Variants in PRMT9 observed in about 807,000 individuals in gnomAD.
The protein encoded by PRMT9 is protein arginine methyltransferase 9.
A neutral mutation model predicts 83.2 loss-of-function variants in PRMT9; 59 were observed. The ratio of observed to expected loss-of-function variants is 0.71; its 90% confidence interval spans 0.57 to 0.88. PRMT9 has a LOEUF of 0.88. PRMT9 is among the 40% of genes least tolerant of loss of function. The probability of loss-of-function intolerance (pLI) is 0.00; values close to 1 mark genes in which losing one functional copy is unlikely to be tolerated. For missense variants in PRMT9, 947 were observed against 1,021.9 expected, an observed-to-expected ratio of 0.93 and a Z score of 1.00; for synonymous variants, 333 against 353.2, an observed-to-expected ratio of 0.94 and a Z score of 0.64.
chr4:147,664,980 A>G (rs774787635), intron 6 of PRMT9, among the ~76,000 whole-genome samples: 4 of 151,732 alleles, frequency 2.6e-5, no homozygotes, highest in Non-Finnish European at 5.9e-5. Context: ...TCAGCCGGGC[A>G]TGGTGGCAGG....
At chr4:147,645,860 G>A (rs1185302538) in intron 9 of PRMT9, among the ~76,000 whole-genome samples, 2 of 152,178 alleles carry the variant, frequency 1.3e-5, no homozygotes, top group South Asian at 2.1e-4. Context: ...GATAAGTCAT[G>A]TTCCTGAACC....
At chr4:147,639,349 C>CA (rs1733228227) in intron 10 of PRMT9, 2 of 382,712 alleles carry the variant, frequency 5.2e-6, no homozygotes, top group Admixed American at 8.2e-5. Context: ...TTTCCATTAC[C>CA]TGTAGATCTT....
chr4:147,672,988 G>A lies in PRMT9; in HGVS notation c.714C>T (p.Asp238=). Reference sequence around the variant, plus strand: ...CGGGAATATGTTTTGGAATCTCTATGTCAAGTGACTTCGTATGTAAGAGTT... The same window carrying A: ...CGGGAATATGTTTTGGAATCTCTATATCAAGTGACTTCGTATGTAAGAGTT... ...GIKLLHTKSL[D]IEIPKHIPER... is the part of the protein sequence containing the mutation. The change falls in exon 4 of 12, where the codon GAC becomes GAT. Residue 238 remains aspartate, a synonymous_variant. Transcript: ENST00000322396. 6.2e-7 allele frequency: 1 copy of A among 1,613,840 alleles called. No homozygotes were observed. The highest frequency in any genetic ancestry group is 1.1e-5 in the South Asian group (1 of 91,068).
intron 6 of PRMT9, among the ~76,000 whole-genome samples, chr4:147,663,396 G>T (rs984529830): frequency 1.4e-5 from 2 of 146,616 alleles, no homozygotes; most frequent in Non-Finnish European, 3.0e-5. Flanking sequence ...AAGGTCTCAT[G>T]CTGTCGCCCA....
At chr4:147,659,135 C>T (rs1167401754) in intron 7 of PRMT9, among the ~76,000 whole-genome samples, 1 of 150,956 alleles carries the variant, frequency 6.6e-6, no homozygotes, top group Non-Finnish European at 1.5e-5. Context: ...GCCGAGATCA[C>T]GCCACTGCAC....
chr4:147,640,563 C>G (rs924370611), intron 10 of PRMT9, among the ~76,000 whole-genome samples: 3 of 152,110 alleles, frequency 2.0e-5, no homozygotes. Context: ...CCAGAGCTTT[C>G]TCTGAATTCT....
intron 1 of PRMT9, among the ~76,000 whole-genome samples, chr4:147,681,431 T>C (rs1185995079): frequency 6.6e-6 from 1 of 152,228 alleles, no homozygotes; most frequent in East Asian, 1.9e-4. Flanking sequence ...ACATATTTTA[T>C]ACAAAAGCGT....
intron 2 of PRMT9, among the ~76,000 whole-genome samples, chr4:147,679,375 G>A (rs1736305902): frequency 6.6e-6 from 1 of 152,000 alleles, no homozygotes; most frequent in Non-Finnish European, 1.5e-5. Flanking sequence ...GAGCCTGGGA[G>A]GTCAAGGTTG....
intron 10 of PRMT9, among the ~76,000 whole-genome samples, chr4:147,640,061 CTTTTTTTTTTTTTTT>C (rs1185905675): frequency 2.9e-5 from 1 of 35,086 alleles, no homozygotes; most frequent in African/African-American, 9.2e-5. Flanking sequence ...CCACTCCTGT[CTTTTTTTTTTTTTTT>C]TTTTTTTTTT....
intron 2 of PRMT9, among the ~76,000 whole-genome samples, chr4:147,679,507 G>A (rs1243996147): frequency 6.6e-6 from 1 of 152,056 alleles, no homozygotes; most frequent in Admixed American, 6.5e-5. Context: ...CAGCAGTTTG[G>A]GAGGCTGAGG....
rs1733960357 is a variant in PRMT9, at chr4:147,649,572, A to G, written c.2045+4280T>C. Among the ~76,000 whole-genome samples the G allele has an allele frequency of 2.0e-5, 3 of 151,962 alleles. No homozygotes were observed. The South Asian group carries it at 6.2e-4, about 31-fold the overall frequency. ...AGCTGGAGTGCAATGGCGCGATCTC[A>G]GCTAACAGCAACCTCTGCCTCCAGG... is the stretch of plus-strand genomic sequence containing the variant. On this transcript the variant is annotated intron_variant, in intron 9 of 11. Coordinates refer to ENST00000322396, the MANE Select transcript of PRMT9 (RefSeq NM_138364.4).
At chr4:147,641,365 G>A (rs560370388) in intron 10 of PRMT9, among the ~76,000 whole-genome samples, 7 of 152,174 alleles carry the variant, frequency 4.6e-5, no homozygotes, top group South Asian at 2.1e-4. Context: ...TACTCCAATC[G>A]TGATCTTGCC....
At position 147,638,285 on chromosome 4, in the gene PRMT9, C is replaced by A; in HGVS notation, c.*247G>T. 2.0e-6 allele frequency: 1 copy of A among 497,402 alleles called. No homozygotes were observed. The highest frequency in any genetic ancestry group is 2.3e-5 in the South Asian group (1 of 43,386). The allele number at this position is 497,402 out of a possible 1,614,324, so 30.8% of individuals were successfully genotyped here. On this transcript the variant is annotated 3_prime_UTR_variant, in exon 12 of 12. Transcript: ENST00000322396. ...TTTTAAAATCCCTATTCTGTAAAAT[C>A]GAGCAAAAGAAGTTTCCTAATTTAA... is the stretch of plus-strand genomic sequence containing the variant.
chr4:147,679,215 T>C (rs1004798345), intron 2 of PRMT9, among the ~76,000 whole-genome samples: 1 of 152,188 alleles, frequency 6.6e-6, no homozygotes, highest in East Asian at 1.9e-4. Flanking sequence ...GAGGATCGCT[T>C]GAGCCCAGGA....
intron 2 of PRMT9, 104 bp downstream of exon 2, chr4:147,680,219 A>C (rs1736373687): frequency 2.9e-6 from 3 of 1,039,348 alleles, no homozygotes. Flanking sequence ...CTCCTTAATA[A>C]TTCTCCATAT....
In PRMT9 at chr4:147,683,878, C is replaced by T. The variant is rs536598109; in HGVS notation, c.110G>A (p.Gly37Asp). 2 of 1,613,692 alleles carry T rather than the reference C, an allele frequency of 1.2e-6. No individual in the cohort carries two copies. Among genetic ancestry groups the T allele is most frequent in the South Asian group, 2.2e-5 (2 of 91,082 alleles). The change falls in exon 1 of 12, where the codon GGC becomes GAC. Residue 37 changes from glycine (G) to aspartate (D), a missense_variant. By Grantham distance (94) the Gly-to-Asp change is moderately conservative. Transcript: ENST00000322396. ...ATAGGCAGTGCCGAAGTCCTGGACG[C>T]CCAGACAGTGCTCTGCGCTCTGCAA... is the stretch of plus-strand genomic sequence containing the variant. ...RSLQSAEHCLGVQDFGTAYAH... is the reference protein window; with the variant it reads ...RSLQSAEHCLDVQDFGTAYAH...
intron 6 of PRMT9, among the ~76,000 whole-genome samples, chr4:147,663,741 C>T (rs1560988886): frequency 6.6e-6 from 1 of 152,142 alleles, no homozygotes; most frequent in Non-Finnish European, 1.5e-5. Flanking sequence ...GGTAAAAAGT[C>T]CACCTTCACA....
chr4:147,664,940 C>T (rs1412866386), intron 6 of PRMT9, among the ~76,000 whole-genome samples: 1 of 151,548 alleles, frequency 6.6e-6, no homozygotes, highest in Non-Finnish European at 1.5e-5. Flanking sequence ...CATGATGAAA[C>T]CCCTCTCTAC....
At position 147,639,055 on chromosome 4, in the gene PRMT9, A is replaced by G. The variant is rs780864233; in HGVS notation, c.2227T>C (p.Ser743Pro). ...QVPIRVFLDL[S>P]SLPCIPLSKP... ...CTTAAAGGTATACAGGGCAATGAGGATAGGTCCAAAAATACACGTATAGGT... is the reference window on the plus strand; with the variant it reads ...CTTAAAGGTATACAGGGCAATGAGGGTAGGTCCAAAAATACACGTATAGGT... Residue 743 changes from serine (S) to proline (P), a missense_variant, in exon 11 of 12, where the codon TCC (serine) becomes CCC (proline). Ser to Pro is a moderately conservative substitution (Grantham distance 74, BLOSUM62 -1). Transcript: ENST00000322396. 2.5e-6 allele frequency: 4 copies of G among 1,613,350 alleles called. No individual in the cohort carries two copies. In the African/African-American group the frequency reaches 4.0e-5, roughly 16 times the overall value.
Sources: gnomAD v4.1 joint callset for allele counts (sites outside exome capture counted in the v4.1 genomes callset) on GRCh38, gnomAD v4.1.1 for gene constraint, MANE v1.5 for transcripts, NCBI Gene and HGNC (gene_info 2026-07-23, HGNC 2026-07-21) for gene names.